Variants in ZNF654 observed in about 807,000 individuals in gnomAD.
The protein encoded by ZNF654 is zinc finger protein 654.
ZNF654 carries 19 observed loss-of-function variants against 95.3 expected under a neutral mutation model. The ratio of observed to expected loss-of-function variants is 0.20; its 90% CI spans 0.14 to 0.29. The LOEUF (loss-of-function observed/expected upper bound fraction) is 0.29. Ranked by LOEUF, ZNF654 falls within the 10% of genes least tolerant of loss-of-function variation. ZNF654 has a pLI of 1.00. For synonymous variants in ZNF654, 413 were observed against 457.9 expected, an observed-to-expected ratio of 0.90 and a Z score of 1.25; for missense variants, 1,046 against 1,341.0, an observed-to-expected ratio of 0.78 and a Z score of 3.44.
chr3:88,068,477 T>C (rs1707325541), intron 1 of ZNF654, among the ~76,000 whole-genome samples: 1 of 152,182 alleles, frequency 6.6e-6, no homozygotes, highest in Admixed American at 6.5e-5. Context: ...ACAAAACATG[T>C]ACAGGTTGTT....
intron 1 of ZNF654, among the ~76,000 whole-genome samples, chr3:88,076,799 A>T (rs1707828159): frequency 6.6e-6 from 1 of 152,210 alleles, no homozygotes; most frequent in Non-Finnish European, 1.5e-5. Flanking sequence ...ATTGGCAGGG[A>T]TCTAAATTCA....
At position 88,140,678 on chromosome 3, in the gene ZNF654, G is replaced by C. The variant is rs753618859; in HGVS notation, c.3009G>C (p.Arg1003Ser). 3 of 1,613,658 alleles carry C rather than the reference G, an allele frequency of 1.9e-6. No individual in the cohort carries two copies. The highest frequency in any genetic ancestry group is 2.5e-6 in the Non-Finnish European group (3 of 1,179,724). Residue 1003 changes from arginine (R) to serine (S), a missense_variant, in exon 8 of 9, where the codon AGG becomes AGC. Arg to Ser is a moderately radical substitution (Grantham distance 110). Transcript: ENST00000636215. Reference sequence around the variant, plus strand: ...TGAAAATTGATACAAACAGAATCAGGACAGAAAATGGTTCCATTTTGCCCA... The same window carrying C: ...TGAAAATTGATACAAACAGAATCAGCACAGAAAATGGTTCCATTTTGCCCA... Reference protein sequence around the residue: ...PALKIDTNRIRTENGSILPSV... With the variant: ...PALKIDTNRISTENGSILPSV...
intron 5 of ZNF654, among the ~76,000 whole-genome samples, chr3:88,129,398 C>G (rs1221984545): frequency 6.7e-6 from 1 of 148,440 alleles, no homozygotes; most frequent in African/African-American, 2.5e-5. Context: ...AGGTAAAATG[C>G]TCATGTTTAT....
chr3:88,109,664 G>C (rs769627420), intron 2 of ZNF654, among the ~76,000 whole-genome samples: 1 of 152,114 alleles, frequency 6.6e-6, no homozygotes, highest in Non-Finnish European at 1.5e-5. Flanking sequence ...TTAAATCTGC[G>C]TTATTCAAGG....
intron 2 of ZNF654, among the ~76,000 whole-genome samples, chr3:88,098,603 T>G (rs1704208037): frequency 6.6e-6 from 1 of 152,118 alleles, no homozygotes; most frequent in African/African-American, 2.4e-5. Context: ...GCAAACTGAA[T>G]CCAGCAGCAC....
chr3:88,079,387 A>G (rs1236809789), intron 1 of ZNF654, among the ~76,000 whole-genome samples: 1 of 152,116 alleles, frequency 6.6e-6, no homozygotes, highest in African/African-American at 2.4e-5. Flanking sequence ...AGAGACTATA[A>G]TAAAGATGTA....
intron 2 of ZNF654, among the ~76,000 whole-genome samples, chr3:88,105,588 T>C (rs1704686413): frequency 6.6e-6 from 1 of 152,212 alleles, no homozygotes; most frequent in Admixed American, 6.5e-5. Flanking sequence ...TTGCTAAATA[T>C]GCCCAGTGTT....
At chr3:88,065,524 C>A (rs961746081) in intron 1 of ZNF654, among the ~76,000 whole-genome samples, 4 of 152,130 alleles carry the variant, frequency 2.6e-5, no homozygotes, top group Admixed American at 1.3e-4. Context: ...ACACAGGACA[C>A]AGGTGATTTC....
At chr3:88,074,034 A>G (rs935665162) in intron 1 of ZNF654, among the ~76,000 whole-genome samples, 11 of 152,126 alleles carry the variant, frequency 7.2e-5, no homozygotes, top group African/African-American at 2.4e-4. Flanking sequence ...TGAGGTTTTA[A>G]TTTGAGCTTT....
rs754189967 is a variant in ZNF654 at position 88,059,315 on chromosome 3, G to T, written c.-5G>T. 1.3e-6 allele frequency: 2 copies of T among 1,533,588 alleles called. No homozygotes were observed. The highest frequency in any genetic ancestry group is 2.4e-5 in the South Asian group (2 of 83,948). 95.0% of individuals were successfully genotyped at this position (1,533,588 alleles called of 1,614,324 possible). ...GGCTGGTACGCGCTGGGCGGCGAGAGCCTCATGGCGGAGGAAGAGAGCGAC... is the reference window on the plus strand; with the variant it reads ...GGCTGGTACGCGCTGGGCGGCGAGATCCTCATGGCGGAGGAAGAGAGCGAC... On this transcript the variant is annotated 5_prime_UTR_variant, in exon 1 of 9. Coordinates refer to ENST00000636215, the MANE Select transcript of ZNF654 (RefSeq NM_001350134.2).
intron 6 of ZNF654, among the ~76,000 whole-genome samples, chr3:88,134,772 T>C (rs750353408): frequency 1.3e-3 from 199 of 152,186 alleles, no homozygotes; most frequent in Non-Finnish European, 1.7e-3. Context: ...TATTGGCACA[T>C]TAGGATTAGA....
intron 1 of ZNF654, among the ~76,000 whole-genome samples, chr3:88,069,597 C>T (rs1707395205): frequency 6.6e-6 from 1 of 152,180 alleles, no homozygotes; most frequent in South Asian, 2.1e-4. Context: ...TCCCCAGTGC[C>T]TTATATAATT....
intron 1 of ZNF654, among the ~76,000 whole-genome samples, chr3:88,061,289 A>G (rs182979255): frequency 5.3e-5 from 8 of 152,186 alleles, no homozygotes; most frequent in South Asian, 2.1e-4. Context: ...AACAAATGAC[A>G]AATTTAGCCT....
intron 2 of ZNF654, 86 bp from the exon 3 acceptor site, chr3:88,113,029 T>C: frequency 1.2e-6 from 1 of 827,416 alleles, no homozygotes; most frequent in Non-Finnish European, 1.8e-6. Context: ...CAAATATTGA[T>C]ATTAGATAGC....
chr3:88,083,769 A>G (rs954034722), intron 1 of ZNF654, among the ~76,000 whole-genome samples: 1 of 152,114 alleles, frequency 6.6e-6, no homozygotes, highest in African/African-American at 2.4e-5. Flanking sequence ...TATCCTGGCC[A>G]CCATTATGTT....
At chr3:88,069,503 A>G (rs1360143076) in intron 1 of ZNF654, among the ~76,000 whole-genome samples, 1 of 152,218 alleles carries the variant, frequency 6.6e-6, no homozygotes, top group African/African-American at 2.4e-5. Context: ...GATAGTAACA[A>G]TGGCTCAGTT....
At chr3:88,060,548 G>A (rs992850256) in intron 1 of ZNF654, among the ~76,000 whole-genome samples, 6 of 152,252 alleles carry the variant, frequency 3.9e-5, no homozygotes, top group African/African-American at 1.4e-4. Context: ...TGGGTGTATA[G>A]GGTTCAGATT....
chr3:88,084,264 C>A (rs1227532033), intron 1 of ZNF654, among the ~76,000 whole-genome samples: 3 of 152,108 alleles, frequency 2.0e-5, no homozygotes, highest in Non-Finnish European at 4.4e-5. Flanking sequence ...GAGATAAACC[C>A]AACCCATAAA....
At chr3:88,135,400 A>G (rs1380044147) in intron 7 of ZNF654, 198 bp downstream of exon 7, 1 of 378,766 alleles carries the variant, frequency 2.6e-6, no homozygotes, top group Non-Finnish European at 4.6e-6. Flanking sequence ...GTTACTTAAA[A>G]TTTAACATGG....
Sources: allele counts gnomAD v4.1 joint callset (sites outside exome capture counted in the v4.1 genomes callset), GRCh38; gene constraint gnomAD v4.1.1; transcripts MANE v1.5; gene names NCBI Gene and HGNC (gene_info 2026-07-23, HGNC 2026-07-21).